DDB1: variants seen among roughly 807,000 people sequenced by gnomAD.
DDB1 encodes the protein DNA damage-binding protein 1.
DDB1 carries 18 observed loss-of-function variants against 133.1 expected under a neutral mutation model. That is an observed-to-expected ratio of 0.14 (90% confidence interval 0.09 to 0.20). DDB1 has a LOEUF of 0.20. Among genes scored for constraint, DDB1 ranks in the 10% least tolerant of loss-of-function variants. DDB1 has a pLI of 1.00. For synonymous variants in DDB1, 580 were observed against 550.5 expected (o/e 1.05, Z -0.75); for missense variants, 828 against 1,459.2 (o/e 0.57, Z 7.05).
intron 21 of DDB1, among the ~76,000 whole-genome samples, chr11:61,305,464 G>A (rs541584785): frequency 5.3e-5 from 8 of 152,268 alleles, no homozygotes; most frequent in South Asian, 2.1e-4. Context: ...CCAAGACTGC[G>A]CCATTGCACT....
At chr11:61,312,123 AG>A (rs1425422418) in intron 16 of DDB1, 39 bp from the exon 17 acceptor site, 2 of 1,588,972 alleles carry the variant, frequency 1.3e-6, no homozygotes, top group Admixed American at 1.7e-5. Context: ...AGGAGACTCA[AG>A]GAAGGCAAAG....
chr11:61,332,891 G>A lies in DDB1; in HGVS notation c.61+17C>T. ...AACTCCCTCACTCGCCGGGGTCTCC[G>A]GCCCCGGCAGCCTCACCGGTCACGC... is the stretch of plus-strand genomic sequence containing the variant. On this transcript the variant is annotated intron_variant, in intron 1 of 26. Transcript: ENST00000301764. 2.7e-6 allele frequency: 4 copies of A among 1,471,202 alleles called. No individual in the cohort carries two copies. Among genetic ancestry groups the A allele is most frequent in the South Asian group, 1.3e-5 (1 of 77,454 alleles). The allele number at this position is 1,471,202 out of a possible 1,614,324, so 91.1% of individuals were successfully genotyped here.
chr11:61,304,560 T>C (rs1340790212), intron 21 of DDB1, among the ~76,000 whole-genome samples: 2 of 152,058 alleles, frequency 1.3e-5, no homozygotes, highest in Non-Finnish European at 2.9e-5. Context: ...AGCCACCCTC[T>C]ACCACCCCGC....
In DDB1 at chr11:61,331,653, C is replaced by T. The variant is rs779757668; in HGVS notation, c.100G>A (p.Ala34Thr). 1.2e-6 allele frequency: 2 copies of T among 1,614,110 alleles called. No homozygotes were observed. The highest frequency in any genetic ancestry group is 1.7e-6 in the Non-Finnish European group (2 of 1,180,022). ...TSAEDLNLLI[A>T]KNTRLEIYVV... is the part of the protein sequence containing the mutation. Reference sequence around the variant, plus strand: ...TAGATCTCTAATCTCGTGTTTTTGGCAATCAACAGGTTTAAGTCTTCGGCC... The same window carrying T: ...TAGATCTCTAATCTCGTGTTTTTGGTAATCAACAGGTTTAAGTCTTCGGCC... The change falls in exon 2 of 27, where the codon GCC becomes ACC. Residue 34 changes from alanine (A) to threonine (T), a missense_variant. Transcript: ENST00000301764.
intron 25 of DDB1, 75 bp downstream of exon 25, chr11:61,302,182 C>CCGGGTAATGTGTAGTAGTCA: frequency 1.5e-6 from 2 of 1,290,554 alleles, no homozygotes; most frequent in Non-Finnish European, 2.3e-6. Flanking sequence ...GTAGTAGCTT[C>CCGGGTAATGTGTAGTAGTCA]CGGGTAATGT....
intron 21 of DDB1, among the ~76,000 whole-genome samples, chr11:61,307,964 G>A (rs1380614623): frequency 6.6e-6 from 1 of 152,090 alleles, no homozygotes; most frequent in African/African-American, 2.4e-5. Context: ...AATGCATCCA[G>A]ATTACTACAA....
rs776981352 is a variant in DDB1, at chr11:61,310,278, A to G, written c.2401+17T>C. The G allele has an allele frequency of 3.1e-6, 5 of 1,600,434 alleles. No individual in the cohort carries two copies. In the Admixed American group the frequency reaches 5.2e-5, roughly 17 times the overall value. On this transcript the variant is annotated intron_variant, in intron 19 of 26. Transcript: ENST00000301764. ...GGGAGGGCGTAGATAAAAATTATCG[A>G]AAGAGCTCATGTGCACCTTCAAAGG...
In DDB1 at chr11:61,299,773, A is replaced by G; in HGVS notation, c.*363T>C. 3.1e-6 allele frequency: 1 copy of G among 322,686 alleles called. No individual in the cohort carries two copies. The highest frequency in any genetic ancestry group is 6.0e-6 in the Non-Finnish European group (1 of 167,406). 20.0% of individuals were successfully genotyped at this position (322,686 alleles called of 1,614,324 possible). On this transcript the variant is annotated 3_prime_UTR_variant, in exon 27 of 27. Transcript: ENST00000301764. ...AAAAAGAGGACAATGCATGAGTGTGAGATACACATACACACACACACATAC... is the reference window on the plus strand; with the variant it reads ...AAAAAGAGGACAATGCATGAGTGTGGGATACACATACACACACACACATAC...
chr11:61,311,326 A>AACATAAC (rs1855966893), intron 18 of DDB1: 3 of 147,308 alleles, frequency 2.0e-5, no homozygotes, highest in East Asian at 4.2e-4. Context: ...CATAACACAT[A>AACATAAC]ACATAACATA....
intron 10 of DDB1, among the ~76,000 whole-genome samples, chr11:61,320,147 G>A (rs1475988869): frequency 6.6e-6 from 1 of 151,578 alleles, no homozygotes; most frequent in Non-Finnish European, 1.5e-5. Flanking sequence ...TGATTATCTT[G>A]GGTTTGTAGT....
chr11:61,326,330 T>G (rs1856269859), intron 5 of DDB1: 2 of 227,172 alleles, frequency 8.8e-6, no homozygotes, highest in African/African-American at 4.8e-5. Flanking sequence ...TTGTTGTTTT[T>G]TTTTTTAAAG....
In DDB1 at chr11:61,316,357, G is replaced by A. The variant is rs780416559; in HGVS notation, c.1338C>T (p.Thr446=). The A allele has an allele frequency of 6.8e-6, 11 of 1,613,982 alleles. No homozygotes were observed. The highest frequency in any genetic ancestry group is 1.6e-4 in the Middle Eastern group (1 of 6,082). Residue 446 remains threonine, a synonymous_variant, in exon 12 of 27, where the codon ACC becomes ACT. Transcript: ENST00000301764. ...LMLNGEEVEE[T]ELMGFVDDQQ... is the part of the protein sequence containing the mutation. ...GATCATCCACGAAACCCATCAGTTC[G>A]GTTTCTTCTACCTCCTCTCCATTTA...
At chr11:61,329,318 C>A (rs1297844781) in intron 4 of DDB1, 45 bp downstream of exon 4, 3 of 1,583,972 alleles carry the variant, frequency 1.9e-6, no homozygotes, top group East Asian at 2.2e-5. Context: ...CAACTCCTAT[C>A]ACATCAACCT....
intron 4 of DDB1, 71 bp downstream of exon 4, chr11:61,329,292 T>C (rs1255863019): frequency 2.2e-6 from 3 of 1,381,268 alleles, no homozygotes; most frequent in African/African-American, 1.4e-5. Context: ...AACCCAGACA[T>C]GCCAGTTAGC....
At chr11:61,323,243 G>A in intron 7 of DDB1, 149 bp from the exon 8 acceptor site, 3 of 671,972 alleles carry the variant, frequency 4.5e-6, no homozygotes, top group South Asian at 3.4e-5. Flanking sequence ...GTCACACTAA[G>A]CAAATGTTTC....
intron 21 of DDB1, 148 bp from the exon 22 acceptor site, chr11:61,304,183 T>G: frequency 1.4e-6 from 1 of 703,748 alleles, no homozygotes; most frequent in Non-Finnish European, 2.3e-6. Context: ...GGGGTGAACA[T>G]TTATTATTTC....
chr11:61,330,936 G>C (rs183093723), intron 2 of DDB1, among the ~76,000 whole-genome samples: 2 of 152,162 alleles, frequency 1.3e-5, no homozygotes, highest in Non-Finnish European at 2.9e-5. Flanking sequence ...GGTTACAGGC[G>C]TGAGCCACCA....
At chr11:61,307,259 G>T (rs940108063) in intron 21 of DDB1, among the ~76,000 whole-genome samples, 2 of 152,234 alleles carry the variant, frequency 1.3e-5, no homozygotes, top group African/African-American at 2.4e-5. Context: ...AACTCCTTGA[G>T]GGGTTTTCTG....
intron 12 of DDB1, chr11:61,316,063 A>C: frequency 4.3e-6 from 2 of 465,794 alleles, no homozygotes; most frequent in Non-Finnish European, 7.6e-6. Flanking sequence ...AATGTAAATA[A>C]ATACACAGAC....
Sources: allele counts gnomAD v4.1 joint callset (sites outside exome capture counted in the v4.1 genomes callset), GRCh38; gene constraint gnomAD v4.1.1; transcripts MANE v1.5; gene names NCBI Gene and HGNC (gene_info 2026-07-23, HGNC 2026-07-21).